KLHL8: variants seen among roughly 807,000 people sequenced by gnomAD.
KLHL8 encodes the protein kelch-like protein 8.
In KLHL8, 38 loss-of-function variants were observed where a neutral mutation model predicts 63.5. The observed-to-expected ratio is 0.60, with a 90% CI of 0.46 to 0.78. The LOEUF is 0.78. Ranked by LOEUF, KLHL8 falls within the 30% of genes least tolerant of loss-of-function variation. The pLI, the probability that KLHL8 is intolerant of heterozygous loss-of-function variation, is 0.00. For missense variants in KLHL8, 566 were observed against 752.4 expected (o/e 0.75, Z 2.90); for synonymous variants, 224 against 254.3 (o/e 0.88, Z 1.13).
chr4:87,203,610 C>A (rs4693806), intron 1 of KLHL8, among the ~76,000 whole-genome samples: 23,724 of 149,360 alleles, frequency 0.16, 2,227 homozygotes, highest in South Asian at 0.24. Context: ...GAACTTCAAG[C>A]CACTGCACCT....
intron 6 of KLHL8, among the ~76,000 whole-genome samples, 163 bp downstream of exon 6, chr4:87,176,593 AT>A (rs527738938): frequency 3.1e-4 from 47 of 152,380 alleles, no homozygotes; most frequent in African/African-American, 8.2e-4. Flanking sequence ...CTTAAAAAAA[AT>A]AAAAGGTGTT....
chr4:87,232,434 T>C (rs1733151621), intron 1 of KLHL8, among the ~76,000 whole-genome samples: 1 of 152,246 alleles, frequency 6.6e-6, no homozygotes, highest in Non-Finnish European at 1.5e-5. Context: ...ATCTTGTTGA[T>C]GGATACTTGG....
intron 3 of KLHL8, 71 bp downstream of exon 3, chr4:87,185,180 T>G: frequency 7.5e-7 from 1 of 1,331,700 alleles, no homozygotes; most frequent in Non-Finnish European, 1.0e-6. Context: ...ACACTTTTCC[T>G]AATAAATGAA....
intron 1 of KLHL8, among the ~76,000 whole-genome samples, chr4:87,209,848 G>GTTTTTTTT (rs35717106): frequency 6.6e-5 from 7 of 105,384 alleles, no homozygotes; most frequent in African/African-American, 1.3e-4. Flanking sequence ...TCCGTTTTGG[G>GTTTTTTTT]TTTTTTTTTT....
chr4:87,195,971 AT>A (rs1183802616), intron 1 of KLHL8, among the ~76,000 whole-genome samples: 2 of 151,956 alleles, frequency 1.3e-5, no homozygotes, highest in African/African-American at 4.8e-5. Flanking sequence ...ATGAACTAAA[AT>A]TTTTCTATTT....
At position 87,206,116 on chromosome 4, in the gene KLHL8, A is replaced by G. The variant is rs574267273; in HGVS notation, c.-151-10426T>C. On this transcript the variant is annotated intron_variant, in intron 1 of 9. Transcript: ENST00000273963. ...CAACTTTCACAACCTATCCACTTCA[A>G]TTCTCCTGGATTCTACTTGGAAAAA... 4.3e-3 allele frequency among the ~76,000 whole-genome samples: 659 copies of G among 152,206 alleles called. 6 individuals are homozygous for G. The highest frequency in any genetic ancestry group is 0.015 in the African/African-American group (631 of 41,522).
intron 1 of KLHL8, among the ~76,000 whole-genome samples, chr4:87,238,994 A>G (rs1578415057): frequency 6.6e-6 from 1 of 152,284 alleles, no homozygotes; most frequent in South Asian, 2.1e-4. Context: ...GTTTCGAGAC[A>G]CCTATTTTAA....
chr4:87,238,898 T>G (rs1160112656), intron 1 of KLHL8, among the ~76,000 whole-genome samples: 1 of 152,244 alleles, frequency 6.6e-6, no homozygotes, highest in Non-Finnish European at 1.5e-5. Context: ...TATTTTATCA[T>G]TAAGTTATTG....
intron 3 of KLHL8, 76 bp downstream of exon 3, chr4:87,185,175 T>C (rs1731201666): frequency 7.6e-7 from 1 of 1,316,272 alleles, no homozygotes; most frequent in African/African-American, 1.5e-5. Context: ...AATCTACACT[T>C]TTCCTAATAA....
At chr4:87,190,731 T>C (rs1485992326) in intron 2 of KLHL8, among the ~76,000 whole-genome samples, 5 of 152,130 alleles carry the variant, frequency 3.3e-5, no homozygotes, top group African/African-American at 1.2e-4. Context: ...ACATAATTTA[T>C]TTCTCATAGT....
intron 6 of KLHL8, 73 bp from the exon 7 acceptor site, chr4:87,170,688 C>A: frequency 7.7e-7 from 1 of 1,293,612 alleles, no homozygotes. Context: ...AAAAATTGTG[C>A]TAATGCAAAT....
chr4:87,163,722 A>G (rs1730265194), intron 9 of KLHL8, 80 bp from the exon 10 acceptor site: 4 of 1,581,248 alleles, frequency 2.5e-6, no homozygotes, highest in Non-Finnish European at 3.5e-6. Flanking sequence ...AAAATTCCCT[A>G]TGTGAGACTG....
intron 1 of KLHL8, among the ~76,000 whole-genome samples, chr4:87,198,504 A>T (rs889135596): frequency 6.6e-6 from 1 of 152,258 alleles, no homozygotes; most frequent in African/African-American, 2.4e-5. Context: ...AAAAGGGACA[A>T]GCTATTGAAA....
intron 3 of KLHL8, among the ~76,000 whole-genome samples, chr4:87,184,324 TATC>T (rs34057137): frequency 0.31 from 46,470 of 152,010 alleles, 7,731 homozygotes; most frequent in Middle Eastern, 0.44. Flanking sequence ...AAAAATGTCT[TATC>T]ATCATACTCT....
chr4:87,233,203 G>C (rs1313660471), intron 1 of KLHL8, among the ~76,000 whole-genome samples: 1 of 152,006 alleles, frequency 6.6e-6, no homozygotes, highest in African/African-American at 2.4e-5. Context: ...ACCATGCCTG[G>C]CTAATTTTTT....
chr4:87,185,845 G>A (rs1199440543), intron 2 of KLHL8, 46 bp from the exon 3 acceptor site: 1 of 1,458,496 alleles, frequency 6.9e-7, no homozygotes, highest in East Asian at 2.4e-5. Flanking sequence ...ATCAAAATCA[G>A]CTTCAGGTCA....
chr4:87,168,674 GTATATA>G (rs1267321522), intron 8 of KLHL8, among the ~76,000 whole-genome samples: 3 of 145,808 alleles, frequency 2.1e-5, no homozygotes, highest in African/African-American at 7.7e-5. Context: ...ATATATGTGT[GTATATA>G]TGTGTGTATA....
At chr4:87,171,306 T>C (rs548444472) in intron 6 of KLHL8, among the ~76,000 whole-genome samples, 2 of 152,318 alleles carry the variant, frequency 1.3e-5, no homozygotes, top group African/African-American at 2.4e-5. Context: ...ATCTGAGACA[T>C]AGATGGATAT....
In KLHL8 at chr4:87,226,948, T is replaced by TTATATATAAATAATATATA. The variant is rs1560723943; in HGVS notation, n.58-5559_58-5558insTATATATTATTTATATATA. On this transcript the variant is annotated intron_variant and non_coding_transcript_variant, in intron 1 of 1. Coordinates refer to the KLHL8 transcript ENST00000506274. ...TATATTATATATAAATAATATATAT[T>TTATATATAAATAATATATA]ATATATAAGTAATATATATTATATA... Among the ~76,000 whole-genome samples the TTATATATAAATAATATATA allele has an allele frequency of 1.3e-4, 5 of 39,870 alleles. 1 individual carries two copies. Among genetic ancestry groups the TTATATATAAATAATATATA allele is most frequent in the Non-Finnish European group, 2.4e-4 (5 of 21,268 alleles). 26.2% of individuals were successfully genotyped at this position (39,870 alleles called of 152,430 possible).
Sources: gnomAD v4.1 joint callset for allele counts (sites outside exome capture counted in the v4.1 genomes callset) on GRCh38, gnomAD v4.1.1 for gene constraint, MANE v1.5 for transcripts, NCBI Gene and HGNC (gene_info 2026-07-23, HGNC 2026-07-21) for gene names.